CAMK4: variants seen among roughly 807,000 people sequenced by gnomAD.
CAMK4 encodes the protein calcium/calmodulin dependent protein kinase IV.
In CAMK4, 22 loss-of-function variants were observed where a neutral mutation model predicts 44.9. That is an observed-to-expected ratio of 0.49 (90% CI 0.35 to 0.70). The LOEUF is 0.70. CAMK4 is among the 30% of genes least tolerant of loss of function. The pLI, the probability that CAMK4 is intolerant of heterozygous loss-of-function variation, is 0.01. For synonymous variants in CAMK4, 218 were observed against 215.4 expected, an observed-to-expected ratio of 1.01 and a Z score of -0.11; for missense variants, 498 against 586.8, an observed-to-expected ratio of 0.85 and a Z score of 1.56.
intron 2 of CAMK4, among the ~76,000 whole-genome samples, chr5:111,362,160 C>G (rs1157876201): frequency 6.6e-6 from 1 of 151,958 alleles, no homozygotes; most frequent in Non-Finnish European, 1.5e-5. Context: ...TCCAGAATAA[C>G]AATTATCCCC....
Position 111,364,828 on chromosome 5 carries a change from A to T in CAMK4, c.241-10022A>T, listed in dbSNP as rs1750729997. On this transcript the variant is annotated intron_variant, in intron 2 of 10. Coordinates refer to ENST00000282356, the MANE Select transcript of CAMK4 (RefSeq NM_001744.6). Reference sequence around the variant, plus strand: ...TGCTCAAAGACAAGCTTATCTGATGATTACAGCCTGTCTTCCCATACTGAT... The same window carrying T: ...TGCTCAAAGACAAGCTTATCTGATGTTTACAGCCTGTCTTCCCATACTGAT... 2.0e-5 allele frequency: 3 copies of T among 152,130 alleles called. No homozygotes were observed. In the South Asian group the frequency reaches 6.2e-4, roughly 31 times the overall value. 9.4% of individuals were successfully genotyped at this position (152,130 alleles called of 1,614,324 possible). A position where few individuals can be genotyped will look rare whatever the true frequency, so the allele number is the denominator to read the frequency against.
At chr5:111,483,097 C>T (rs1479441146) in intron 10 of CAMK4, among the ~76,000 whole-genome samples, 160 bp downstream of exon 10, 3 of 152,074 alleles carry the variant, frequency 2.0e-5, no homozygotes, top group African/African-American at 4.8e-5. Flanking sequence ...AAGGCTGACA[C>T]AAAGCTACTT....
At chr5:111,429,594 G>A (rs995111091) in intron 5 of CAMK4, among the ~76,000 whole-genome samples, 2 of 151,414 alleles carry the variant, frequency 1.3e-5, no homozygotes, top group Non-Finnish European at 2.9e-5. Context: ...GCAACATGGC[G>A]AAACCCGATC....
At chr5:111,273,825 T>C (rs544301494) in intron 1 of CAMK4, among the ~76,000 whole-genome samples, 1 of 150,580 alleles carries the variant, frequency 6.6e-6, no homozygotes, top group South Asian at 2.1e-4. Flanking sequence ...ATGTTTGTCT[T>C]GTGTGTGTGT....
intron 1 of CAMK4, among the ~76,000 whole-genome samples, chr5:111,333,629 A>G (rs867176958): frequency 1.7e-4 from 26 of 151,752 alleles, no homozygotes; most frequent in Middle Eastern, 6.8e-3. Context: ...GTCTGAAATA[A>G]GAGGAGCCAT....
intron 1 of CAMK4, among the ~76,000 whole-genome samples, chr5:111,318,168 T>A (rs1748513543): frequency 6.6e-6 from 1 of 152,146 alleles, no homozygotes; most frequent in Admixed American, 6.6e-5. Context: ...AGGAAGTGTG[T>A]TATCTATCTA....
upstream of CAMK4, chr5:111,224,173 G>A (rs544500715): frequency 2.5e-3 from 605 of 243,702 alleles, 4 homozygotes; most frequent in Middle Eastern, 0.014. This position sits in a 1 kb window ranked among gnomAD's most constrained non-coding sequence, Gnocchi z 5.7. Context: ...CGGCGGGAAA[G>A]GCTCGGCGCG....
At chr5:111,397,638 A>G (rs1162903537) in intron 5 of CAMK4, among the ~76,000 whole-genome samples, 1 of 146,680 alleles carries the variant, frequency 6.8e-6, no homozygotes, top group Non-Finnish European at 1.5e-5. Flanking sequence ...TAATATCCTC[A>G]AGTCAGCATG....
chr5:111,355,646 T>C, intron 2 of CAMK4, among the ~76,000 whole-genome samples: 1 of 129,214 alleles, frequency 7.7e-6, no homozygotes, highest in Non-Finnish European at 1.6e-5. Context: ...ATGCTATCCC[T>C]CCCCCCTCCC....
chr5:111,419,947 G>C (rs970167769), intron 5 of CAMK4, among the ~76,000 whole-genome samples: 1 of 152,112 alleles, frequency 6.6e-6, no homozygotes, highest in African/African-American at 2.4e-5. Flanking sequence ...GGTTCCATAT[G>C]AACTTTAAAG....
At chr5:111,478,312 C>A in intron 8 of CAMK4, 69 bp from the exon 9 acceptor site, 1 of 1,035,646 alleles carries the variant, frequency 9.7e-7, no homozygotes, top group Non-Finnish European at 1.4e-6. Flanking sequence ...TCCTGAATTC[C>A]TACAGAAATT....
chr5:111,339,685 C>T (rs1749557358), intron 1 of CAMK4, among the ~76,000 whole-genome samples: 2 of 151,376 alleles, frequency 1.3e-5, no homozygotes, highest in Admixed American at 1.3e-4. Flanking sequence ...GTTCTTTTTG[C>T]TCAAGATTAC....
At chr5:111,442,120 T>C (rs1274911078) in intron 5 of CAMK4, among the ~76,000 whole-genome samples, 2 of 152,190 alleles carry the variant, frequency 1.3e-5, no homozygotes, top group East Asian at 1.9e-4. Flanking sequence ...TTTCAAAGTC[T>C]AGTCTAGGCT....
intron 1 of CAMK4, among the ~76,000 whole-genome samples, chr5:111,274,795 A>G (rs191561633): frequency 1.2e-4 from 18 of 152,270 alleles, no homozygotes; most frequent in Admixed American, 9.8e-4. Flanking sequence ...TTTGTTATAA[A>G]AGAAAAAGGA....
At chr5:111,434,250 G>A (rs1355913373) in intron 5 of CAMK4, among the ~76,000 whole-genome samples, 3 of 147,372 alleles carry the variant, frequency 2.0e-5, no homozygotes, top group Non-Finnish European at 4.4e-5. Flanking sequence ...CCAAGATCGC[G>A]CCACTGCACT....
At chr5:111,396,716 C>T (rs1447428589) in intron 5 of CAMK4, among the ~76,000 whole-genome samples, 1 of 125,930 alleles carries the variant, frequency 7.9e-6, no homozygotes, top group Non-Finnish European at 1.6e-5. Flanking sequence ...TCTTGGCTCA[C>T]TGCAACCTCT....
At chr5:111,426,350 A>T (rs902887705) in intron 5 of CAMK4, among the ~76,000 whole-genome samples, 3 of 152,232 alleles carry the variant, frequency 2.0e-5, no homozygotes, top group African/African-American at 7.2e-5. Context: ...CAGATGGGTG[A>T]TAACAATACA....
At chr5:111,446,390 A>G (rs1754029027) in intron 5 of CAMK4, among the ~76,000 whole-genome samples, 1 of 152,234 alleles carries the variant, frequency 6.6e-6, no homozygotes, top group African/African-American at 2.4e-5. Flanking sequence ...AGCTAATTCC[A>G]GTTGATATAG....
chr5:111,339,731 A>G (rs1266143210), intron 1 of CAMK4, among the ~76,000 whole-genome samples: 3 of 151,242 alleles, frequency 2.0e-5, no homozygotes, highest in Non-Finnish European at 3.0e-5. Flanking sequence ...TTCCACAGGA[A>G]TTTCGGAATT....
Sources: gnomAD v4.1 joint callset for allele counts (sites outside exome capture counted in the v4.1 genomes callset) on GRCh38, gnomAD v4.1.1 for gene constraint, Gnocchi (gnomAD v3.1) non-coding constraint, MANE v1.5 for transcripts, NCBI Gene and HGNC (gene_info 2026-07-23, HGNC 2026-07-21) for gene names.